The following TLL2 variants were observed in gnomAD, a reference collection of about 807,000 sequenced individuals.
The protein encoded by TLL2 is tolloid like 2.
A neutral mutation model predicts 123.0 loss-of-function variants in TLL2; 106 were observed. The ratio of observed to expected loss-of-function variants is 0.86; its 90% CI spans 0.74 to 1.01. The LOEUF is 1.01. Ranked by LOEUF, TLL2 falls within the 50% of genes least tolerant of loss-of-function variation. The pLI is 0.00. For missense variants in TLL2, 1,332 were observed against 1,336.7 expected (o/e 1.00, Z 0.06); for synonymous variants, 494 against 516.8 (o/e 0.96, Z 0.60).
chr10:96,409,317 A>G (rs79233416), intron 9 of TLL2, among the ~76,000 whole-genome samples: 5,617 of 152,316 alleles, frequency 0.037, 135 homozygotes, highest in Middle Eastern at 0.071. Context: ...CAAATAAACC[A>G]GTAGTGACTA....
chr10:96,473,526 T>C (rs989351136), intron 2 of TLL2, among the ~76,000 whole-genome samples: 2 of 152,166 alleles, frequency 1.3e-5, no homozygotes, highest in African/African-American at 4.8e-5. Context: ...CTCCTGCTAA[T>C]GTATTATTTT....
At chr10:96,379,625 C>A (rs947976345) in intron 16 of TLL2, among the ~76,000 whole-genome samples, 8 of 152,038 alleles carry the variant, frequency 5.3e-5, no homozygotes, top group Non-Finnish European at 8.8e-5. Context: ...AGTTCGAGAC[C>A]AGCCTGGCCA....
At chr10:96,459,751 C>T (rs1290074034) in intron 2 of TLL2, among the ~76,000 whole-genome samples, 2 of 92,242 alleles carry the variant, frequency 2.2e-5, no homozygotes, top group Admixed American at 1.4e-4. Context: ...AATGAAAAGA[C>T]ACATGGATTG....
At chr10:96,508,407 A>T (rs1347800307) in intron 1 of TLL2, among the ~76,000 whole-genome samples, 1 of 152,178 alleles carries the variant, frequency 6.6e-6, no homozygotes, top group Non-Finnish European at 1.5e-5. Context: ...TGAAACACCA[A>T]ATTCCAGGCA....
intron 1 of TLL2, among the ~76,000 whole-genome samples, chr10:96,495,910 T>A (rs566991791): frequency 6.6e-6 from 1 of 152,136 alleles, no homozygotes; most frequent in African/African-American, 2.4e-5. Context: ...AATGTTTTAA[T>A]GGGATCAAAC....
rs149116494 is a variant in TLL2, at chr10:96,491,959, T to C, written c.176-11500A>G. Among the ~76,000 whole-genome samples the C allele has an allele frequency of 3.3e-5, 5 of 152,314 alleles. No individual in the cohort carries two copies. The East Asian group carries it at 9.6e-4, about 29-fold the overall frequency. On this transcript the variant is annotated intron_variant, in intron 1 of 20. Coordinates refer to ENST00000357947, the MANE Select transcript of TLL2 (RefSeq NM_012465.4). The stretch of plus-strand genomic sequence containing the variant: ...AAGTTCTGTTATGTTCCCCATCTGA[T>C]GCCATGTGTGTGCCTGATTTTGGGG...
chr10:96,375,331 G>C (rs979926598), intron 18 of TLL2: 10 of 152,200 alleles, frequency 6.6e-5, no homozygotes, highest in African/African-American at 2.4e-4. Context: ...CGAAAAGCGC[G>C]CAATCAATAT....
In TLL2 at chr10:96,365,832, GT is replaced by G. The variant is rs759807413; in HGVS notation, c.*2255del. 6.6e-6 allele frequency: 1 copy of G among 152,156 alleles called. No homozygotes were observed. 9.4% of individuals were successfully genotyped at this position (152,156 alleles called of 1,614,324 possible). On this transcript the variant is annotated 3_prime_UTR_variant, in exon 21 of 21. Transcript: ENST00000357947. The stretch of plus-strand genomic sequence containing the variant: ...CGTCACACAGAAGGCCTAAATAAAG[GT>G]TTTTCATAAGAGTCCCATTGTTGCA...
intron 1 of TLL2, among the ~76,000 whole-genome samples, chr10:96,509,932 G>C (rs1433194512): frequency 6.6e-6 from 1 of 152,160 alleles, no homozygotes; most frequent in Non-Finnish European, 1.5e-5. Context: ...GGGCGACAGA[G>C]CGAGACTCCG....
rs374780100 is a variant in TLL2 at position 96,395,359 on chromosome 10, T to C, written c.1554A>G (p.Ala518=). 1.8e-5 allele frequency: 29 copies of C among 1,605,714 alleles called. No individual in the cohort carries two copies. The highest frequency in any genetic ancestry group is 2.4e-5 in the Non-Finnish European group (28 of 1,175,904). ...CATCCCGGACTTCCAGGTAGTCATA[T>C]GCACAGCTGTCGTGCCTTTCAATCT... is the stretch of plus-strand genomic sequence containing the variant. ...AFEIERHDSC[A]YDYLEVRDGP... Residue 518 remains alanine, a synonymous_variant, in exon 13 of 21, where the codon GCA becomes GCG. Transcript: ENST00000357947.
intron 1 of TLL2, among the ~76,000 whole-genome samples, chr10:96,486,114 C>T (rs1176485858): frequency 6.6e-6 from 1 of 152,134 alleles, no homozygotes; most frequent in Non-Finnish European, 1.5e-5. Flanking sequence ...CTTTGTTAGC[C>T]TGACACTTCA....
intron 1 of TLL2, among the ~76,000 whole-genome samples, chr10:96,487,247 C>A (rs1042164071): frequency 1.3e-5 from 2 of 152,150 alleles, no homozygotes; most frequent in Non-Finnish European, 2.9e-5. Flanking sequence ...CCAGGCCTGG[C>A]CTGTGGCAAG....
chr10:96,432,573 A>C (rs551003776), intron 4 of TLL2, among the ~76,000 whole-genome samples: 41 of 152,130 alleles, frequency 2.7e-4, no homozygotes, highest in Non-Finnish European at 5.6e-4. Context: ...CACTCCCCAC[A>C]TGAAGCATCG....
intron 2 of TLL2, among the ~76,000 whole-genome samples, chr10:96,459,669 CAAAAAAAAAAAAA>C (rs1165594084): frequency 1.6e-3 from 39 of 24,442 alleles, no homozygotes; most frequent in African/African-American, 4.8e-3. Context: ...GATCCTGTTT[CAAAAAAAAAAAAA>C]AAAAAAAAAA....
chr10:96,370,443 C>T, intron 19 of TLL2, 128 bp from the exon 20 acceptor site: 1 of 1,308,736 alleles, frequency 7.6e-7, no homozygotes, highest in Non-Finnish European at 1.0e-6. Context: ...GTCTCGTCAC[C>T]CCATTTGATG....
chr10:96,487,435 T>C (rs1371019222), intron 1 of TLL2, among the ~76,000 whole-genome samples: 2 of 152,140 alleles, frequency 1.3e-5, no homozygotes, highest in Non-Finnish European at 2.9e-5. Context: ...TGTATTCCTT[T>C]AGGACAAATG....
intron 7 of TLL2, among the ~76,000 whole-genome samples, chr10:96,420,112 G>T (rs1255046423): frequency 2.0e-5 from 3 of 151,944 alleles, no homozygotes; most frequent in African/African-American, 7.3e-5. Flanking sequence ...AGATCCTTTT[G>T]GGGGAAGACT....
rs1846236439 is a variant in TLL2, at chr10:96,386,613, G to A, written c.1852+340C>T. ...ACACAAGCCAGGTAGAAATAGGATG[G>A]ATGAAAAGTGCTATCGGTTGAGTCA... is the stretch of plus-strand genomic sequence containing the variant. On this transcript the variant is annotated intron_variant, in intron 14 of 20. Transcript: ENST00000357947. 1.3e-5 allele frequency among the ~76,000 whole-genome samples: 2 copies of A among 152,220 alleles called. 1 individual carries two copies. The highest frequency in any genetic ancestry group is 4.1e-4 in the South Asian group (2 of 4,824).
chr10:96,482,269 A>C (rs540918628), intron 1 of TLL2, among the ~76,000 whole-genome samples: 4 of 152,254 alleles, frequency 2.6e-5, no homozygotes, highest in South Asian at 2.1e-4. Context: ...AAAAAAAAAA[A>C]AACGAAAAAA....
Sources: allele counts gnomAD v4.1 joint callset (sites outside exome capture counted in the v4.1 genomes callset), GRCh38; gene constraint gnomAD v4.1.1; transcripts MANE v1.5; gene names NCBI Gene and HGNC (gene_info 2026-07-23, HGNC 2026-07-21).